DOCK6: variants seen among roughly 807,000 people sequenced by gnomAD.
The protein encoded by DOCK6 is dedicator of cytokinesis 6.
DOCK6 carries 167 observed loss-of-function variants against 230.3 expected under a neutral mutation model. That is an observed-to-expected ratio of 0.73 (90% CI 0.64 to 0.82). The LOEUF is 0.82. Ranked by LOEUF, DOCK6 falls within the 40% of genes least tolerant of loss-of-function variation. The pLI is 0.00. For synonymous variants in DOCK6, 1,148 were observed against 1,185.0 expected (o/e 0.97, Z 0.64); for missense variants, 2,598 against 2,825.8 (o/e 0.92, Z 1.83).
chr19:11,246,388 G>A (rs908291989), intron 7 of DOCK6, among the ~76,000 whole-genome samples: 1 of 152,074 alleles, frequency 6.6e-6, no homozygotes, highest in African/African-American at 2.4e-5. Flanking sequence ...TAATAGGCAT[G>A]AGCCATCACG....
intron 28 of DOCK6, chr19:11,221,094 G>C (rs2079572573): frequency 6.6e-6 from 1 of 152,256 alleles, no homozygotes; most frequent in South Asian, 2.1e-4. Context: ...GCAGTGCTGG[G>C]ATTACAGGCA....
In DOCK6 at chr19:11,200,709, C is replaced by A. The variant is rs375307066; in HGVS notation, c.5939+7G>T. On this transcript the variant is annotated splice_region_variant and intron_variant, in intron 46 of 47. Transcript: ENST00000294618. The surrounding 1 kb of genome is among the most constrained non-coding windows in gnomAD (Gnocchi z 4.3). Reference sequence around the variant, plus strand: ...ACGAGACCCCTCCTGGGGGGTTTTGCGCCTACTTCTTGCAGAAGTCCTTGA... The same window carrying A: ...ACGAGACCCCTCCTGGGGGGTTTTGAGCCTACTTCTTGCAGAAGTCCTTGA... 1.1e-5 allele frequency: 18 copies of A among 1,609,082 alleles called. No individual in the cohort carries two copies. In the African/African-American group the frequency reaches 1.6e-4, roughly 14 times the overall value.
chr19:11,209,995 A>G (rs1313246393), intron 37 of DOCK6, among the ~76,000 whole-genome samples: 1 of 79,522 alleles, frequency 1.3e-5, no homozygotes, highest in Non-Finnish European at 2.4e-5. Flanking sequence ...TCACCTGCCC[A>G]TCCCTCACCT....
chr19:11,230,085 G>C (rs923758607), intron 22 of DOCK6, among the ~76,000 whole-genome samples: 1 of 149,400 alleles, frequency 6.7e-6, no homozygotes, highest in African/African-American at 2.5e-5. Context: ...TGTAATCCTA[G>C]CACTTTGGGA....
intron 14 of DOCK6, among the ~76,000 whole-genome samples, chr19:11,239,383 A>G (rs2079903221): frequency 6.6e-6 from 1 of 152,182 alleles, no homozygotes; most frequent in Non-Finnish European, 1.5e-5. Flanking sequence ...GGTGAGTCTC[A>G]GGAACTCCCA....
chr19:11,205,964 G>A (rs1256813700), intron 39 of DOCK6: 2 of 152,070 alleles, frequency 1.3e-5, no homozygotes, highest in African/African-American at 2.4e-5. Flanking sequence ...CCAGCAAAGT[G>A]ACAATAATGA....
chr19:11,238,622 C>G, intron 14 of DOCK6: 2 of 300,928 alleles, frequency 6.6e-6, no homozygotes, highest in Non-Finnish European at 6.5e-6. Flanking sequence ...TAGCGAGGCA[C>G]TCAGGGCCAG....
intron 6 of DOCK6, among the ~76,000 whole-genome samples, 200 bp from the exon 7 acceptor site, chr19:11,248,351 G>C (rs2080068233): frequency 6.6e-6 from 1 of 151,950 alleles, no homozygotes; most frequent in African/African-American, 2.4e-5. Context: ...GCTAATGTCT[G>C]CTCACTGTTC....
intron 39 of DOCK6, chr19:11,206,172 G>A (rs576632267): frequency 6.6e-6 from 1 of 152,200 alleles, no homozygotes; most frequent in South Asian, 2.1e-4. Context: ...CGGAGCAAAG[G>A]CCCCAGGGCT....
intron 14 of DOCK6, among the ~76,000 whole-genome samples, chr19:11,240,714 G>T (rs2079930367): frequency 6.6e-6 from 1 of 151,848 alleles, no homozygotes; most frequent in Non-Finnish European, 1.5e-5. Flanking sequence ...TGAGTAGCTG[G>T]AATTACAGGT....
At chr19:11,254,513 G>T (rs907743058) in intron 1 of DOCK6, among the ~76,000 whole-genome samples, 1 of 152,018 alleles carries the variant, frequency 6.6e-6, no homozygotes, top group African/African-American at 2.4e-5. Context: ...GGCCAACAAG[G>T]GGAAACCCTG....
Position 11,200,619 on chromosome 19 carries a change from G to A in DOCK6, c.5939+97C>T. On this transcript the variant is annotated intron_variant, in intron 46 of 47. Transcript: ENST00000294618. The surrounding 1 kb of genome is among the most constrained non-coding windows in gnomAD (Gnocchi z 4.3). ...GGGAGAGTGGACTTAATGGGAATCG[G>A]GCAGATGGGGGAGCCATGCAGAGAT... The A allele has an allele frequency of 6.7e-7, 1 of 1,491,360 alleles. No homozygotes were observed. 92.4% of individuals were successfully genotyped at this position (1,491,360 alleles called of 1,614,324 possible). A position where few individuals can be genotyped will look rare whatever the true frequency, so the allele number is the denominator to read the frequency against.
At chr19:11,229,410 C>A in intron 22 of DOCK6, 1 of 1,036,242 alleles carries the variant, frequency 9.7e-7, no homozygotes, top group Non-Finnish European at 1.2e-6. Flanking sequence ...GATGTGATGG[C>A]GAGGAGAAGG....
intron 1 of DOCK6, 88 bp downstream of exon 1, chr19:11,262,309 G>A: frequency 1.1e-6 from 1 of 918,182 alleles, no homozygotes; most frequent in Non-Finnish European, 1.4e-6. Context: ...GGTTGAATTG[G>A]GGGCGCCCGG....
At position 11,202,811 on chromosome 19, in the gene DOCK6, C is replaced by T. The variant is rs2079193371; in HGVS notation, c.5236-102G>A. ...GAATATCAGGATGGGAGTGTGAGGA[C>T]CCCGAGAACATCAGGGCATGGGCAC... On this transcript the variant is annotated intron_variant, in intron 41 of 47. Transcript: ENST00000294618. This position sits in a 1 kb window ranked among gnomAD's most constrained non-coding sequence, Gnocchi z 5.3. 5.7e-6 allele frequency: 9 copies of T among 1,580,024 alleles called. No individual in the cohort carries two copies. The East Asian group carries it at 1.8e-4, about 31-fold the overall frequency.
chr19:11,235,459 C>T (rs1226154325), intron 21 of DOCK6, 139 bp downstream of exon 21: 10 of 859,316 alleles, frequency 1.2e-5, no homozygotes, highest in Admixed American at 3.0e-5. Flanking sequence ...TCATGTTGGC[C>T]AAGTTGATCT....
At chr19:11,262,268 A>C in intron 1 of DOCK6, 129 bp downstream of exon 1, 62 of 492,810 alleles carry the variant, frequency 1.3e-4, no homozygotes, top group East Asian at 6.5e-4. Flanking sequence ...GGCCGGAGGA[A>C]GCTGGCGGGA....
At chr19:11,254,456 G>A (rs879482841) in intron 1 of DOCK6, among the ~76,000 whole-genome samples, 9 of 152,124 alleles carry the variant, frequency 5.9e-5, no homozygotes, top group Admixed American at 3.3e-4. Context: ...CACTTTGAGA[G>A]GCTGAGGCAG....
At chr19:11,229,286 TC>T in intron 22 of DOCK6, 4 of 1,275,340 alleles carry the variant, frequency 3.1e-6, no homozygotes, top group Non-Finnish European at 3.0e-6. Flanking sequence ...CATCCGCACC[TC>T]CCCCCACTAC....
Sources: allele counts gnomAD v4.1 joint callset (sites outside exome capture counted in the v4.1 genomes callset), GRCh38; gene constraint gnomAD v4.1.1; non-coding constraint Gnocchi (gnomAD v3.1); transcripts MANE v1.5; gene names NCBI Gene and HGNC (gene_info 2026-07-23, HGNC 2026-07-21).